The following NEBL variants were observed in gnomAD, a reference collection of about 807,000 sequenced individuals.
The protein encoded by NEBL is LIM and SH3 protein 2.
A neutral mutation model predicts 140.2 loss-of-function variants in NEBL; 122 were observed. The observed-to-expected ratio is 0.87, with a 90% CI of 0.75 to 1.01. NEBL has a LOEUF of 1.01. Among genes scored for constraint, NEBL ranks in the 50% least tolerant of loss-of-function variants. The pLI, the probability that NEBL is intolerant of heterozygous loss-of-function variation, is 0.00. For synonymous variants in NEBL, 436 were observed against 398.9 expected (o/e 1.09, Z -1.11); for missense variants, 1,365 against 1,231.3 (o/e 1.11, Z -1.62).
chr10:20,840,097 G>A (rs531194501), intron 13 of NEBL, among the ~76,000 whole-genome samples: 19 of 152,000 alleles, frequency 1.3e-4, no homozygotes, highest in South Asian at 1.0e-3. Flanking sequence ...CATCACCATC[G>A]TCATCGCTAT....
chr10:21,154,458 C>CAA (rs368260076), intron 2 of NEBL, among the ~76,000 whole-genome samples: 29,760 of 117,396 alleles, frequency 0.25, 3,483 homozygotes, highest in East Asian at 0.35. Flanking sequence ...GACTCTGCTT[C>CAA]AAAAAAAAAA....
Position 20,819,471 on chromosome 10 carries a change from T to C in NEBL, c.2008A>G (p.Thr670Ala), listed in dbSNP as rs775814492. Residue 670 changes from threonine to alanine, a missense_variant, in exon 20 of 28, where the codon ACC (threonine) becomes GCC (alanine). Physicochemically the swap from Thr to Ala is moderately conservative, Grantham distance 58. This residue lies in a region of NEBL where 1,323 missense variants were observed against 1,154.8 expected (regional missense o/e 1.15). Coordinates refer to ENST00000377122, the MANE Select transcript of NEBL (RefSeq NM_006393.3). ...CGCCTCACTCTCTCTATCTCCGGGG[T>C]CATGCTTACCGGAGTGGCCTTGTAG... The part of the protein sequence containing the change: ...QNYKATPVSM[T>A]PEIERVRRNQ... The C allele has an allele frequency of 8.7e-6, 14 of 1,613,964 alleles. No homozygotes were observed. In the South Asian group the frequency reaches 1.4e-4, roughly 16 times the overall value.
intron 21 of NEBL, 172 bp from the exon 22 acceptor site, chr10:20,815,889 C>T (rs543944210): frequency 1.1e-4 from 70 of 613,004 alleles, no homozygotes; most frequent in African/African-American, 1.0e-3. Context: ...CCACCTCAGC[C>T]TCCCAGGTAG....
At chr10:20,817,773 G>A in intron 20 of NEBL, 81 bp from the exon 21 acceptor site, 1 of 1,138,436 alleles carries the variant, frequency 8.8e-7, no homozygotes, top group Non-Finnish European at 1.3e-6. Context: ...CTCAAAATTA[G>A]CACCATCTTT....
At chr10:21,233,678 G>A (rs11527738) in intron 3 of NEBL, among the ~76,000 whole-genome samples, 1 of 136,998 alleles carries the variant, frequency 7.3e-6, no homozygotes, top group East Asian at 2.1e-4. Context: ...ATCTATATAT[G>A]TATATCTAGA....
At position 20,817,600 on chromosome 10, in the gene NEBL, A is replaced by G. The variant is rs772358606; in HGVS notation, c.2148T>C (p.Asn716=). ...AAAAAAGTTACTAAGATGATCACAC[A>G]TTGCTGATGTTTTTCTGGTTTTCTT... The part of the protein sequence containing the change: ...RAKENQKNIS[N]VYYRGQLGRA... Residue 716 remains asparagine (N), a splice_region_variant and synonymous_variant, in exon 21 of 28, where the codon AAT becomes AAC. Coordinates refer to ENST00000377122, the MANE Select transcript of NEBL (RefSeq NM_006393.3). 1.9e-6 allele frequency: 3 copies of G among 1,608,230 alleles called. No individual in the cohort carries two copies. Among genetic ancestry groups the G allele is most frequent in the Non-Finnish European group, 2.6e-6 (3 of 1,174,644 alleles).
At chr10:20,814,192 G>A (rs1031648395) in intron 22 of NEBL, 149 bp from the exon 23 acceptor site, 2 of 670,954 alleles carry the variant, frequency 3.0e-6, no homozygotes, top group South Asian at 1.7e-5. Flanking sequence ...TTCTAGAATA[G>A]CAACCTAAAA....
intron 3 of NEBL, among the ~76,000 whole-genome samples, chr10:21,197,387 T>C (rs1564541074): frequency 6.6e-6 from 1 of 152,220 alleles, no homozygotes; most frequent in African/African-American, 2.4e-5. Context: ...AAAGTTGCAT[T>C]AATTCCCAAA....
intron 2 of NEBL, among the ~76,000 whole-genome samples, chr10:21,091,580 C>G (rs1836914460): frequency 6.6e-6 from 1 of 152,180 alleles, no homozygotes. Context: ...CTTCATCTCT[C>G]CACTTGAACT....
intron 3 of NEBL, among the ~76,000 whole-genome samples, chr10:21,217,199 G>C (rs968476992): frequency 3.3e-5 from 5 of 152,224 alleles, no homozygotes; most frequent in African/African-American, 1.2e-4. Flanking sequence ...AAACAGATGA[G>C]AGGGTAGTTA....
chr10:21,032,901 A>C (rs115555704), intron 2 of NEBL, among the ~76,000 whole-genome samples: 8 of 152,242 alleles, frequency 5.3e-5, no homozygotes, highest in Admixed American at 5.2e-4. Context: ...AGAAGGCATT[A>C]TCAAAGGGAT....
rs140709171 is a variant in NEBL, at chr10:21,222,765, T to G, written n.348+25156A>C. On this transcript the variant is annotated intron_variant and non_coding_transcript_variant, in intron 3 of 8. Transcript: ENST00000675702. ...AGCAATCCAATTATGCTCTTTTAGT[T>G]TTCTTTTTTTTTGTTAGACAGAGTT... Among the ~76,000 whole-genome samples the G allele has an allele frequency of 9.4e-3, 1,436 of 152,292 alleles. 10 individuals carry two copies. Among genetic ancestry groups the G allele is most frequent in the Non-Finnish European group, 0.014 (976 of 68,022 alleles).
At chr10:21,239,176 C>G (rs1292291978) in intron 3 of NEBL, among the ~76,000 whole-genome samples, 4 of 152,054 alleles carry the variant, frequency 2.6e-5, no homozygotes, top group African/African-American at 7.2e-5. Flanking sequence ...CTCTACTGCC[C>G]AAAGCCCCTG....
intron 4 of NEBL, among the ~76,000 whole-genome samples, chr10:20,906,045 T>A (rs1233129568): frequency 6.6e-6 from 1 of 152,214 alleles, no homozygotes; most frequent in Admixed American, 6.5e-5. Flanking sequence ...TCTTTGTGTA[T>A]GTGGACTTTA....
chr10:20,955,375 G>A (rs1483704211), intron 4 of NEBL, among the ~76,000 whole-genome samples: 2 of 152,198 alleles, frequency 1.3e-5, no homozygotes, highest in African/African-American at 2.4e-5. Flanking sequence ...ATTCAGAGAT[G>A]AGACACATCA....
intron 2 of NEBL, among the ~76,000 whole-genome samples, chr10:21,249,353 T>C (rs950487746): frequency 2.0e-5 from 3 of 152,210 alleles, no homozygotes; most frequent in Non-Finnish European, 4.4e-5. Context: ...GCTGATAGTG[T>C]CCTTCAATGT....
intron 2 of NEBL, among the ~76,000 whole-genome samples, chr10:21,144,102 T>C (rs1301449768): frequency 3.9e-5 from 6 of 152,260 alleles, no homozygotes; most frequent in African/African-American, 1.4e-4. Flanking sequence ...TCTGCAGCAC[T>C]GTTTGTGCCC....
chr10:21,037,349 C>A (rs780141673), intron 2 of NEBL, among the ~76,000 whole-genome samples: 144 of 151,862 alleles, frequency 9.5e-4, no homozygotes, highest in Non-Finnish European at 1.8e-3. Context: ...TGCATGAGAA[C>A]CCTGAAAACC....
chr10:21,075,920 C>A (rs1042844752), intron 2 of NEBL, among the ~76,000 whole-genome samples: 1 of 151,982 alleles, frequency 6.6e-6, no homozygotes, highest in East Asian at 1.9e-4. Context: ...CCAAGAAGCA[C>A]GTATGAAAGA....
Sources: gnomAD v4.1 joint callset for allele counts (sites outside exome capture counted in the v4.1 genomes callset) on GRCh38, gnomAD v4.1.1 for gene constraint, gnomAD v4.1.1 regional missense constraint, MANE v1.5 for transcripts, NCBI Gene and HGNC (gene_info 2026-07-23, HGNC 2026-07-21) for gene names.